FAM177A1: variants seen among roughly 807,000 people sequenced by gnomAD.
FAM177A1 encodes the protein family with sequence similarity 177 member A1.
Under a neutral mutation model 26.1 loss-of-function variants are expected in FAM177A1, and 22 were observed. The ratio of observed to expected loss-of-function variants is 0.84; its 90% CI spans 0.60 to 1.20. The LOEUF is 1.20. FAM177A1 is among the 50% of genes most tolerant of loss of function. FAM177A1 has a pLI of 0.00. For missense variants in FAM177A1, 296 were observed against 291.1 expected (o/e 1.02, Z -0.12); for synonymous variants, 95 against 99.3 (o/e 0.96, Z 0.26).
At chr14:35,052,357 G>A (rs1473870491) in intron 1 of FAM177A1, among the ~76,000 whole-genome samples, 2 of 151,944 alleles carry the variant, frequency 1.3e-5, no homozygotes, top group African/African-American at 4.8e-5. Context: ...GAGTAGTTGG[G>A]ACTACAGGCA....
intron 2 of FAM177A1, among the ~76,000 whole-genome samples, chr14:35,058,054 T>A (rs867073586): frequency 1.6e-4 from 25 of 151,788 alleles, no homozygotes; most frequent in Admixed American, 4.6e-4. Flanking sequence ...TGTCCTACTT[T>A]TTATTATTAT....
intron 4 of FAM177A1, among the ~76,000 whole-genome samples, chr14:35,080,791 A>G (rs753642131): frequency 6.6e-6 from 1 of 152,148 alleles, no homozygotes; most frequent in Non-Finnish European, 1.5e-5. Flanking sequence ...CTCTTTCTCA[A>G]AAAAAACAAA....
intron 2 of FAM177A1, among the ~76,000 whole-genome samples, chr14:35,068,637 T>C (rs1358148378): frequency 6.6e-6 from 1 of 152,250 alleles, no homozygotes; most frequent in East Asian, 1.9e-4. Context: ...CTTCTCCATT[T>C]GGGTATTCTC....
At chr14:35,078,171 G>A (rs896009434) in intron 3 of FAM177A1, among the ~76,000 whole-genome samples, 20 of 152,300 alleles carry the variant, frequency 1.3e-4, no homozygotes, top group Non-Finnish European at 2.5e-4. Flanking sequence ...AATGGAAAGA[G>A]CATGAGCTTG....
At chr14:35,076,457 G>A (rs549479008) in intron 2 of FAM177A1, among the ~76,000 whole-genome samples, 26 of 152,082 alleles carry the variant, frequency 1.7e-4, no homozygotes, top group Middle Eastern at 3.4e-3. Flanking sequence ...TGGGGGGAGC[G>A]GGGAGGGATA....
intron 3 of FAM177A1, 126 bp from the exon 4 acceptor site, chr14:35,078,801 T>C (rs2045434933): frequency 3.4e-6 from 2 of 589,042 alleles, no homozygotes; most frequent in Non-Finnish European, 5.4e-6. Flanking sequence ...ATAGATCTAT[T>C]AGGTTTTTAT....
rs762629142 is a variant in FAM177A1, at chr14:35,077,153, A to G, written c.343A>G (p.Lys115Glu). 2 of 1,613,708 alleles carry G rather than the reference A, an allele frequency of 1.2e-6. No individual in the cohort carries two copies. The highest frequency in any genetic ancestry group is 1.7e-6 in the Non-Finnish European group (2 of 1,179,644). The change falls in exon 3 of 5, where the codon AAA becomes GAA. Residue 115 changes from lysine to glutamate, a missense_variant. Transcript: ENST00000280987. ...CTAACATGATTTCTTGTTGCAGACA[A>G]AACTTACCTGGGGTCCCTACTTATG... ...KDVLPTVDPT[K>E]LTWGPYLWFY...
intron 2 of FAM177A1, among the ~76,000 whole-genome samples, chr14:35,057,627 G>A (rs565049328): frequency 2.6e-4 from 40 of 152,138 alleles, no homozygotes; most frequent in African/African-American, 9.4e-4. Context: ...TGATCTGCCC[G>A]CCTCGGCCTC....
chr14:35,080,474 A>G (rs902064149), intron 4 of FAM177A1, among the ~76,000 whole-genome samples: 2 of 152,210 alleles, frequency 1.3e-5, no homozygotes, highest in East Asian at 3.8e-4. Context: ...GGTCTCATCT[A>G]CGTGATGTAG....
rs2138580793 is a variant in FAM177A1 at position 35,083,361 on chromosome 14, A to T, written c.*2133A>T. ...TTATACTTTGTTTATGCAAACTATA[A>T]AATTTCCCATAAATGTATTCAATGG... On this transcript the variant is annotated 3_prime_UTR_variant, in exon 5 of 5. Transcript: ENST00000280987. The T allele has an allele frequency of 6.5e-6, 1 of 152,778 alleles. No individual in the cohort carries two copies. Among genetic ancestry groups the T allele is most frequent in the African/African-American group, 2.4e-5 (1 of 41,572 alleles). 9.5% of individuals were successfully genotyped at this position (152,778 alleles called of 1,614,324 possible).
At chr14:35,048,126 A>G (rs1429251195) in intron 1 of FAM177A1, among the ~76,000 whole-genome samples, 3 of 152,244 alleles carry the variant, frequency 2.0e-5, no homozygotes, top group African/African-American at 7.2e-5. Flanking sequence ...ACATGAATTG[A>G]TAAGGAAGCC....
intron 1 of FAM177A1, chr14:35,050,044 G>C (rs956935149): frequency 3.3e-5 from 5 of 152,124 alleles, no homozygotes; most frequent in African/African-American, 1.2e-4. Context: ...ATCTCACTCT[G>C]TTGCCCAGGC....
At chr14:35,046,220 A>C (rs1387404853), upstream of FAM177A1, 3 of 353,820 alleles carry the variant, frequency 8.5e-6, no homozygotes, top group Non-Finnish European at 1.5e-5. Context: ...ACGCCCCGCA[A>C]GGACCCGCCC....
Position 35,046,334 on chromosome 14 carries a change from C to G in FAM177A1, c.-130C>G. 1 of 1,142,632 alleles carries G rather than the reference C, an allele frequency of 8.8e-7. No homozygotes were observed. The highest frequency in any genetic ancestry group is 1.2e-6 in the Non-Finnish European group (1 of 857,758). 70.8% of individuals were successfully genotyped at this position (1,142,632 alleles called of 1,614,324 possible). A position where few individuals can be genotyped will look rare whatever the true frequency, so the allele number is the denominator to read the frequency against. On this transcript the variant is annotated 5_prime_UTR_variant, in exon 1 of 5. Coordinates refer to ENST00000280987, the MANE Select transcript of FAM177A1 (RefSeq NM_173607.5). Reference sequence around the variant, plus strand: ...GCGGGCTAGGCGAGGCGCGGGCTGGCCCCGCCCCTCAGGCCGGCGAGTCCC... The same window carrying G: ...GCGGGCTAGGCGAGGCGCGGGCTGGGCCCGCCCCTCAGGCCGGCGAGTCCC...
intron 2 of FAM177A1, among the ~76,000 whole-genome samples, chr14:35,071,862 C>G (rs190806731): frequency 0.01 from 1,526 of 152,302 alleles, 10 homozygotes; most frequent in Non-Finnish European, 0.014. Flanking sequence ...TCCCCCCAAA[C>G]TAAATTGCTA....
At chr14:35,050,038 C>T (rs1239789023) in intron 1 of FAM177A1, 1 of 152,104 alleles carries the variant, frequency 6.6e-6, no homozygotes, top group Non-Finnish European at 1.5e-5. Flanking sequence ...GACAGAATCT[C>T]ACTCTGTTGC....
At chr14:35,058,940 T>G (rs922979802) in intron 2 of FAM177A1, among the ~76,000 whole-genome samples, 1 of 152,166 alleles carries the variant, frequency 6.6e-6, no homozygotes, top group African/African-American at 2.4e-5. Context: ...AGCTTTTTTT[T>G]GTTTTCTTTT....
intron 2 of FAM177A1, among the ~76,000 whole-genome samples, chr14:35,060,301 A>G (rs1247214632): frequency 6.6e-6 from 1 of 151,940 alleles, no homozygotes; most frequent in Non-Finnish European, 1.5e-5. Flanking sequence ...TGTTTTTAAT[A>G]ATTTCTGTCT....
intron 2 of FAM177A1, among the ~76,000 whole-genome samples, chr14:35,055,382 G>A (rs1310844442): frequency 6.7e-6 from 1 of 149,950 alleles, no homozygotes; most frequent in African/African-American, 2.4e-5. Flanking sequence ...AGTTCCAAAT[G>A]CAGGTAGAAT....
Sources: gnomAD v4.1 joint callset for allele counts (sites outside exome capture counted in the v4.1 genomes callset) on GRCh38, gnomAD v4.1.1 for gene constraint, MANE v1.5 for transcripts, NCBI Gene and HGNC (gene_info 2026-07-23, HGNC 2026-07-21) for gene names.